Variants in EPHA3 observed in about 807,000 individuals in gnomAD.
The protein encoded by EPHA3 is ephrin type-A receptor 3.
Under a neutral mutation model 107.1 loss-of-function variants are expected in EPHA3, and 42 were observed. That is an observed-to-expected ratio of 0.39 (90% CI 0.31 to 0.51). The LOEUF is 0.51. Among genes scored for constraint, EPHA3 ranks in the 20% least tolerant of loss-of-function variants. EPHA3 has a pLI of 0.78. For missense variants in EPHA3, 1,183 were observed against 1,211.2 expected (o/e 0.98, Z 0.35); for synonymous variants, 461 against 424.8 (o/e 1.09, Z -1.05).
chr3:89,145,790 C>T (rs1387492490), intron 2 of EPHA3, among the ~76,000 whole-genome samples: 1 of 151,422 alleles, frequency 6.6e-6, no homozygotes, highest in Non-Finnish European at 1.5e-5. Context: ...TGTCTAGAAT[C>T]GATTTCTCAC....
intron 1 of EPHA3, among the ~76,000 whole-genome samples, chr3:89,108,700 C>A (rs1446734029): frequency 6.6e-6 from 1 of 152,118 alleles, no homozygotes; most frequent in African/African-American, 2.4e-5. Flanking sequence ...TTAAGGACAC[C>A]AATGTGTTCT....
At chr3:89,475,241 T>A (rs548794178) in intron 16 of EPHA3, among the ~76,000 whole-genome samples, 52 of 152,356 alleles carry the variant, frequency 3.4e-4, no homozygotes, top group Admixed American at 2.4e-3. Context: ...CTAGATATTT[T>A]AGCTTTCTTT....
chr3:89,153,310 C>T (rs1458854162), intron 2 of EPHA3, among the ~76,000 whole-genome samples: 1 of 152,030 alleles, frequency 6.6e-6, no homozygotes, highest in African/African-American at 2.4e-5. Flanking sequence ...ACTTGCGGGT[C>T]CTTCTTCATT....
intron 3 of EPHA3, among the ~76,000 whole-genome samples, chr3:89,330,344 A>G (rs1249756830): frequency 6.6e-6 from 1 of 152,140 alleles, no homozygotes; most frequent in Non-Finnish European, 1.5e-5. Flanking sequence ...ATACTTTTAA[A>G]TGATAAACTT....
At chr3:89,257,279 G>T (rs1389641622) in intron 3 of EPHA3, among the ~76,000 whole-genome samples, 1 of 152,068 alleles carries the variant, frequency 6.6e-6, no homozygotes, top group Non-Finnish European at 1.5e-5. Flanking sequence ...CCTTGATAAC[G>T]TTAAAAAATC....
At chr3:89,347,134 G>GT (rs1453682000) in intron 5 of EPHA3, among the ~76,000 whole-genome samples, 1 of 141,386 alleles carries the variant, frequency 7.1e-6, no homozygotes, top group African/African-American at 2.7e-5. Context: ...CTTTAAAGTA[G>GT]TTTTTTCCAA....
intron 13 of EPHA3, among the ~76,000 whole-genome samples, chr3:89,432,148 G>C (rs1310237698): frequency 6.6e-6 from 1 of 151,738 alleles, no homozygotes; most frequent in Non-Finnish European, 1.5e-5. Flanking sequence ...ATTCATAATT[G>C]TTATGAGCCT....
At chr3:89,338,241 A>G (rs1707436605) in intron 3 of EPHA3, among the ~76,000 whole-genome samples, 1 of 152,172 alleles carries the variant, frequency 6.6e-6, no homozygotes, top group Non-Finnish European at 1.5e-5. Context: ...TTGAGTACCA[A>G]CACTACTTGC....
intron 1 of EPHA3, among the ~76,000 whole-genome samples, chr3:89,119,183 C>G (rs145268485): frequency 6.6e-6 from 1 of 151,816 alleles, no homozygotes; most frequent in Non-Finnish European, 1.5e-5. Flanking sequence ...AAGCACATAC[C>G]GAAGCTAACA....
chr3:89,125,062 G>A (rs11914760), intron 1 of EPHA3, among the ~76,000 whole-genome samples: 18,846 of 151,684 alleles, frequency 0.12, 1,221 homozygotes, highest in Middle Eastern at 0.18. Flanking sequence ...TTACTAAATG[G>A]AGTCTATGTA....
chr3:89,219,703 G>GTTTTTTTTTTTTTTTTT (rs796857390), intron 3 of EPHA3, among the ~76,000 whole-genome samples: 4 of 26,232 alleles, frequency 1.5e-4, no homozygotes, highest in Non-Finnish European at 2.1e-4. Flanking sequence ...TTTTTTTTTT[G>GTTTTTTTTTTTTTTTTT]TTTTTTGTTT....
intron 2 of EPHA3, among the ~76,000 whole-genome samples, chr3:89,202,101 C>G (rs79233898): frequency 3.3e-5 from 5 of 152,002 alleles, no homozygotes; most frequent in Non-Finnish European, 7.4e-5. Context: ...ATAATCTTTC[C>G]TTTCTCAATA....
intron 3 of EPHA3, among the ~76,000 whole-genome samples, chr3:89,212,421 C>A (rs1422990653): frequency 3.3e-5 from 5 of 152,050 alleles, no homozygotes. Context: ...AAGTGACATA[C>A]TAAAACTGAG....
In EPHA3 at chr3:89,148,724, T is replaced by C. The variant is rs533467654; in HGVS notation, c.153+21451T>C. Among the ~76,000 whole-genome samples the C allele has an allele frequency of 1.4e-4, 22 of 152,096 alleles. No homozygotes were observed. The South Asian group carries it at 4.3e-3, about 30-fold the overall frequency. On this transcript the variant is annotated intron_variant, in intron 2 of 16. Coordinates refer to ENST00000336596, the MANE Select transcript of EPHA3 (RefSeq NM_005233.6). ...CTTACATTGTTTTCCAGCATACCCA[T>C]CTTAGGAAAGTTCTGTTTATCATGT...
chr3:89,432,625 A>G (rs1234744326), intron 13 of EPHA3, among the ~76,000 whole-genome samples: 4 of 152,198 alleles, frequency 2.6e-5, no homozygotes, highest in African/African-American at 7.2e-5. Flanking sequence ...TTTAGAAAAT[A>G]TAGATAAAAA....
chr3:89,472,538 G>A lies in EPHA3; in HGVS notation c.2765G>A (p.Gly922Asp), dbSNP rs1410875132. The A allele has an allele frequency of 1.2e-6, 2 of 1,613,970 alleles. No individual in the cohort carries two copies. The highest frequency in any genetic ancestry group is 1.7e-6 in the Non-Finnish European group (2 of 1,180,020). The change falls in exon 16 of 17, where the codon GGT becomes GAT. Residue 922 changes from glycine (G) to aspartate (D), a missense_variant. Coordinates refer to ENST00000336596, the MANE Select transcript of EPHA3 (RefSeq NM_005233.6). The stretch of plus-strand genomic sequence containing the variant: ...CGCACAACAGGTGACTGGCTTAATG[G>A]TGTCTGGACAGCACACTGCAAGGAA... ...TFRTTGDWLN[G>D]VWTAHCKEIF...
At chr3:89,193,722 T>C (rs1338925305) in intron 2 of EPHA3, among the ~76,000 whole-genome samples, 3 of 151,990 alleles carry the variant, frequency 2.0e-5, no homozygotes, top group African/African-American at 7.2e-5. Flanking sequence ...TCAATTAAAA[T>C]AATATTTTAA....
rs938686751 is a variant in EPHA3, at chr3:89,399,372, A to G, written c.1486A>G (p.Ile496Val). The G allele has an allele frequency of 3.7e-6, 6 of 1,614,018 alleles. No individual in the cohort carries two copies. The highest frequency in any genetic ancestry group is 5.1e-6 in the Non-Finnish European group (6 of 1,179,916). Residue 496 changes from isoleucine (I) to valine (V), a missense_variant, in exon 7 of 17, where the codon ATC (isoleucine) becomes GTC (valine). Physicochemically the swap from Ile to Val is conservative, Grantham distance 29. Transcript: ENST00000336596. The stretch of plus-strand genomic sequence containing the variant: ...GAGGGCAAGAGGCACAAATGTTACC[A>G]TCAGTAGCCTCAAGCCTGACACTAT... The part of the protein sequence containing the change: ...ILRARGTNVT[I>V]SSLKPDTIYV...
At chr3:89,171,167 A>G (rs1364452794) in intron 2 of EPHA3, among the ~76,000 whole-genome samples, 1 of 152,148 alleles carries the variant, frequency 6.6e-6, no homozygotes, top group East Asian at 1.9e-4. Flanking sequence ...CGTTTTACCC[A>G]CTAAAATAAA....
Sources: allele counts gnomAD v4.1 joint callset (sites outside exome capture counted in the v4.1 genomes callset), GRCh38; gene constraint gnomAD v4.1.1; transcripts MANE v1.5; gene names NCBI Gene and HGNC (gene_info 2026-07-23, HGNC 2026-07-21).